NRXN1: variants seen among roughly 807,000 people sequenced by gnomAD.
NRXN1 encodes the protein neurexin 1.
NRXN1 carries 39 observed loss-of-function variants against 150.9 expected under a neutral mutation model. The ratio of observed to expected loss-of-function variants is 0.26; its 90% CI spans 0.20 to 0.34. The LOEUF (loss-of-function observed/expected upper bound fraction) is 0.34. NRXN1 is among the 10% of genes least tolerant of loss of function. NRXN1 has a pLI of 1.00. For missense variants in NRXN1, 1,815 were observed against 1,949.9 expected (o/e 0.93, Z 1.30); for synonymous variants, 924 against 757.0 (o/e 1.22, Z -3.62).
intron 5 of NRXN1, among the ~76,000 whole-genome samples, chr2:50,828,707 G>T (rs1670909657): frequency 6.6e-6 from 1 of 151,756 alleles, no homozygotes; most frequent in Admixed American, 6.6e-5. Context: ...TTCCTAGATG[G>T]GATGGCGGCC....
At chr2:50,192,933 T>C (rs2061540006) in intron 18 of NRXN1, among the ~76,000 whole-genome samples, 1 of 152,146 alleles carries the variant, frequency 6.6e-6, no homozygotes, top group Non-Finnish European at 1.5e-5. Flanking sequence ...TACGTAATAA[T>C]TGTGTAGTAA....
At position 50,229,131 on chromosome 2, in the gene NRXN1, G is replaced by C. The variant is rs79525130; in HGVS notation, c.3546+7658C>G. Among the ~76,000 whole-genome samples, 56 of 152,088 alleles carry C rather than the reference G, an allele frequency of 3.7e-4. No individual in the cohort carries two copies. The East Asian group carries it at 9.3e-3, about 25-fold the overall frequency. The stretch of plus-strand genomic sequence containing the variant: ...TGAGTACCCCCTATCTATGCACCTA[G>C]ATTATTTCCTTCCATTGTTTAAATA... On this transcript the variant is annotated intron_variant, in intron 18 of 22. Coordinates refer to ENST00000401669, the MANE Select transcript of NRXN1 (RefSeq NM_001330078.2).
chr2:50,918,591 T>C (rs980685663), intron 5 of NRXN1: 6 of 373,464 alleles, frequency 1.6e-5, no homozygotes, highest in African/African-American at 1.2e-4. Flanking sequence ...ATAACATATT[T>C]TGACTTTTTT....
intron 2 of NRXN1, among the ~76,000 whole-genome samples, chr2:50,967,913 T>C (rs1694355324): frequency 6.6e-6 from 1 of 152,002 alleles, no homozygotes; most frequent in African/African-American, 2.4e-5. Flanking sequence ...AAACTTAGCA[T>C]GGCAATTTTG....
At chr2:50,679,066 A>G (rs1243857513) in intron 5 of NRXN1, among the ~76,000 whole-genome samples, 4 of 152,090 alleles carry the variant, frequency 2.6e-5, no homozygotes, top group Non-Finnish European at 5.9e-5. Flanking sequence ...TGGGGCATGT[A>G]CAGGCACATG....
intron 21 of NRXN1, among the ~76,000 whole-genome samples, chr2:50,024,339 TA>T (rs1687972778): frequency 6.6e-6 from 1 of 152,190 alleles, no homozygotes; most frequent in Admixed American, 6.5e-5. Flanking sequence ...AGTGTTTTTC[TA>T]AAACATCTTA....
At position 50,748,610 on chromosome 2, in the gene NRXN1, G is replaced by A. The variant is rs796425009; in HGVS notation, c.833-124995C>T. On this transcript the variant is annotated intron_variant, in intron 5 of 22. Coordinates refer to ENST00000401669, the MANE Select transcript of NRXN1 (RefSeq NM_001330078.2). ...TCCAACAGTTTACAGGGCTCCGTGG[G>A]CTTCCTTGGTTGGGACACATTTAGT... Among the ~76,000 whole-genome samples the A allele has an allele frequency of 5.9e-5, 9 of 152,084 alleles. 1 individual carries two copies. Among genetic ancestry groups the A allele is most frequent in the African/African-American group, 1.9e-4 (8 of 41,500 alleles).
intron 8 of NRXN1, among the ~76,000 whole-genome samples, chr2:50,561,289 T>C (rs1364512562): frequency 6.6e-6 from 1 of 152,212 alleles, no homozygotes; most frequent in Non-Finnish European, 1.5e-5. Flanking sequence ...ATAACCTGAG[T>C]TTCATTAAAT....
chr2:50,458,495 T>C (rs1183865081), intron 17 of NRXN1, among the ~76,000 whole-genome samples: 2 of 152,182 alleles, frequency 1.3e-5, no homozygotes, highest in Non-Finnish European at 2.9e-5. Context: ...GATACCCAAT[T>C]ACCCAGATTT....
At chr2:50,730,188 G>GCA (rs1697917529) in intron 5 of NRXN1, among the ~76,000 whole-genome samples, 2 of 152,062 alleles carry the variant, frequency 1.3e-5, no homozygotes, top group South Asian at 4.1e-4. Flanking sequence ...GTGTTCTCTT[G>GCA]AAACAAGTTT....
intron 2 of NRXN1, among the ~76,000 whole-genome samples, chr2:51,018,018 CGG>C (rs934192582): frequency 6.6e-6 from 1 of 152,004 alleles, no homozygotes; most frequent in Non-Finnish European, 1.5e-5. Flanking sequence ...CTCCGCTGGA[CGG>C]GGCTGTGGAT....
rs776435675 is a variant in NRXN1, at chr2:51,027,902, G to T, written c.372C>A (p.Arg124=). The T allele has an allele frequency of 6.2e-7, 1 of 1,609,722 alleles. No homozygotes were observed. The highest frequency in any genetic ancestry group is 1.1e-5 in the South Asian group (1 of 91,086). The part of the protein sequence containing the change: ...WHSVRIRRQF[R]NTTLFIDQVE... ...CCTGGTCGATGAAGAGCGTGGTGTT[G>T]CGGAACTGGCGGCGGATGCGCACGC... The change falls in exon 2 of 23, where the codon CGC becomes CGA. Residue 124 remains arginine, a synonymous_variant. Transcript: ENST00000401669.
At chr2:50,424,311 GGGA>G (rs1276320514) in intron 17 of NRXN1, among the ~76,000 whole-genome samples, 159 of 87,646 alleles carry the variant, frequency 1.8e-3, no homozygotes, top group South Asian at 0.011. Flanking sequence ...GAGGAGGAGG[GGGA>G]GGAGGAGGAG....
intron 2 of NRXN1, among the ~76,000 whole-genome samples, chr2:51,010,944 C>T (rs1306114813): frequency 6.6e-6 from 1 of 151,870 alleles, no homozygotes; most frequent in Non-Finnish European, 1.5e-5. Context: ...CAACATCTGG[C>T]TAATTTTTAA....
chr2:50,048,947 C>T (rs757961981), intron 21 of NRXN1, among the ~76,000 whole-genome samples: 1 of 152,074 alleles, frequency 6.6e-6, no homozygotes, highest in African/African-American at 2.4e-5. Context: ...ATTTTATTCT[C>T]TCTCTTTTCT....
rs565728922 is a variant in NRXN1 at position 50,838,692 on chromosome 2, T to C, written c.832+83177A>G. On this transcript the variant is annotated intron_variant, in intron 5 of 22. Transcript: ENST00000401669. ...GGAGAAGCTGGCTGTATGACTAGAG[T>C]GACGCATCTGCAAGTGAAAGAACAC... Among the ~76,000 whole-genome samples the C allele has an allele frequency of 4.0e-5, 6 of 151,770 alleles. No homozygotes were observed. The South Asian group carries it at 6.3e-4, about 16-fold the overall frequency.
chr2:50,372,449 T>C (rs1266867212), intron 17 of NRXN1, among the ~76,000 whole-genome samples: 4 of 152,050 alleles, frequency 2.6e-5, no homozygotes, highest in South Asian at 2.1e-4. Context: ...TTTCAAACTT[T>C]AATAGTCATG....
rs1484540403 is a variant in NRXN1, at chr2:49,920,237, G to C, written c.*1707C>G. 2.6e-5 allele frequency: 4 copies of C among 152,140 alleles called. No individual in the cohort carries two copies. The highest frequency in any genetic ancestry group is 2.6e-4 in the Admixed American group (4 of 15,264). 9.4% of individuals were successfully genotyped at this position (152,140 alleles called of 1,614,324 possible). A position where few individuals can be genotyped will look rare whatever the true frequency, so the allele number is the denominator to read the frequency against. On this transcript the variant is annotated 3_prime_UTR_variant, in exon 23 of 23. Transcript: ENST00000401669. ...GTTAAAACATAGTCAATAATTAACA[G>C]AGAATGATTTTTTAAGTGGGTAGTA...
chr2:50,889,340 A>C (rs1680719153), intron 5 of NRXN1, among the ~76,000 whole-genome samples: 1 of 151,674 alleles, frequency 6.6e-6, no homozygotes, highest in Non-Finnish European at 1.5e-5. Flanking sequence ...TAATATGTTG[A>C]GTTGCTTAAA....
Sources: allele counts gnomAD v4.1 joint callset (sites outside exome capture counted in the v4.1 genomes callset), GRCh38; gene constraint gnomAD v4.1.1; transcripts MANE v1.5; gene names NCBI Gene and HGNC (gene_info 2026-07-23, HGNC 2026-07-21).